The following FRG1 variants were observed in gnomAD, a reference collection of about 807,000 sequenced individuals.
FRG1 encodes FSHD region gene 1, also known as protein FRG1.
FRG1 carries 19 observed loss-of-function variants against 37.0 expected under a neutral mutation model. The ratio of observed to expected loss-of-function variants is 0.51; its 90% CI spans 0.36 to 0.75. The LOEUF (loss-of-function observed/expected upper bound fraction) is 0.75. Among genes scored for constraint, FRG1 ranks in the 30% least tolerant of loss-of-function variants. The probability of loss-of-function intolerance (pLI) is 0.00; values close to 1 mark genes in which losing one functional copy is unlikely to be tolerated. For missense variants in FRG1, 243 were observed against 301.4 expected (o/e 0.81, Z 1.44); for synonymous variants, 73 against 96.5 (o/e 0.76, Z 1.43).
At chr4:189,960,061 A>G (rs1737163915) in intron 6 of FRG1, 1 of 193,160 alleles carries the variant, frequency 5.2e-6, no homozygotes, top group Non-Finnish European at 9.5e-6. Context: ...AACTGTCACA[A>G]AGATGTCATT....
intron 1 of FRG1, among the ~76,000 whole-genome samples, chr4:189,941,628 G>A (rs572060595): frequency 6.6e-6 from 1 of 152,246 alleles, no homozygotes; most frequent in South Asian, 2.1e-4. Flanking sequence ...CTCATTAAGA[G>A]ATCAAATATC....
intron 2 of FRG1, among the ~76,000 whole-genome samples, chr4:189,943,587 T>C (rs1736409740): frequency 6.6e-6 from 1 of 152,214 alleles, no homozygotes; most frequent in Non-Finnish European, 1.5e-5. Flanking sequence ...CTTTTACAAG[T>C]TATTTTCTTT....
chr4:189,961,119 G>C (rs1316350806), intron 7 of FRG1: 1 of 249,778 alleles, frequency 4.0e-6, no homozygotes, highest in East Asian at 8.8e-5. Flanking sequence ...CTCTAGGACA[G>C]AGCACTGAGC....
chr4:189,952,223 T>A lies in FRG1; in HGVS notation c.195T>A (p.Asp65Glu). ...CAGGAACCATAGCCATTGAAATGGATAAGGGAACCTATATACATGCACTCG... is the reference window on the plus strand; with the variant it reads ...CAGGAACCATAGCCATTGAAATGGAAAAGGGAACCTATATACATGCACTCG... ...EISGTIAIEM[D>E]KGTYIHALDN... The change falls in exon 3 of 9, where the codon GAT becomes GAA. Residue 65 changes from aspartate (D) to glutamate (E), a missense_variant. This residue lies in a region of FRG1 where 110 missense variants were observed against 102.2 expected (regional missense o/e 1.08). Transcript: ENST00000226798. 2 of 1,608,592 alleles carry A rather than the reference T, an allele frequency of 1.2e-6. No homozygotes were observed. The highest frequency in any genetic ancestry group is 1.7e-6 in the Non-Finnish European group (2 of 1,177,216).
intron 2 of FRG1, among the ~76,000 whole-genome samples, chr4:189,945,580 C>T (rs571943772): frequency 7.2e-5 from 11 of 152,244 alleles, no homozygotes; most frequent in Non-Finnish European, 1.2e-4. Context: ...CTTTACATCC[C>T]TGAGATAAAC....
chr4:189,956,587 G>A (rs557574742), intron 5 of FRG1, among the ~76,000 whole-genome samples: 1 of 152,288 alleles, frequency 6.6e-6, no homozygotes, highest in South Asian at 2.1e-4. Flanking sequence ...GAGCCATCCA[G>A]ATGAGAGACC....
intron 2 of FRG1, among the ~76,000 whole-genome samples, chr4:189,943,498 C>G (rs1011119725): frequency 2.6e-5 from 4 of 152,180 alleles, no homozygotes; most frequent in African/African-American, 7.2e-5. Context: ...ACTTAGTAGG[C>G]ACCATTAGAC....
chr4:189,942,837 T>G (rs1376076034), intron 1 of FRG1, among the ~76,000 whole-genome samples: 1 of 152,190 alleles, frequency 6.6e-6, no homozygotes, highest in Non-Finnish European at 1.5e-5. Context: ...AAGGTACATA[T>G]TACCTCTTAA....
chr4:189,950,092 G>T (rs1056149601), intron 2 of FRG1, among the ~76,000 whole-genome samples: 3 of 152,128 alleles, frequency 2.0e-5, no homozygotes, highest in African/African-American at 7.2e-5. Context: ...GGTGTGAAGT[G>T]GTATTGCATT....
intron 6 of FRG1, among the ~76,000 whole-genome samples, chr4:189,958,627 G>A (rs1243031962): frequency 1.3e-5 from 2 of 152,188 alleles, no homozygotes; most frequent in Non-Finnish European, 2.9e-5. Context: ...TGCACCAGTG[G>A]CCTGTGCCCT....
chr4:189,959,930 T>C (rs1207017240), intron 6 of FRG1: 1 of 963,556 alleles, frequency 1.0e-6, no homozygotes, highest in Non-Finnish European at 1.2e-6. Flanking sequence ...AAGGTAGCCT[T>C]GTGTTACCTC....
chr4:189,961,163 C>G lies in FRG1; in HGVS notation c.629+324C>G, dbSNP rs1737212776. The G allele has an allele frequency of 1.5e-5, 3 of 195,524 alleles. No homozygotes were observed. In the South Asian group the frequency reaches 3.2e-4, roughly 21 times the overall value. 12.1% of individuals were successfully genotyped at this position (195,524 alleles called of 1,614,324 possible). A position where few individuals can be genotyped will look rare whatever the true frequency, so the allele number is the denominator to read the frequency against. On this transcript the variant is annotated intron_variant, in intron 7 of 8. Transcript: ENST00000226798. ...TTTCTTTTCTTGAGGCTTCAGTTTTCCTAATCATCCTACCACCTCCCAAAG... is the reference window on the plus strand; with the variant it reads ...TTTCTTTTCTTGAGGCTTCAGTTTTGCTAATCATCCTACCACCTCCCAAAG...
chr4:189,945,220 C>T (rs1736474856), intron 2 of FRG1, among the ~76,000 whole-genome samples: 1 of 152,156 alleles, frequency 6.6e-6, no homozygotes, highest in African/African-American at 2.4e-5. Context: ...CGTTTTACTT[C>T]TTTCTTTCTA....
In FRG1 at chr4:189,955,095, G is replaced by C. The variant is rs749097054; in HGVS notation, c.376G>C (p.Val126Leu). 1.9e-6 allele frequency: 3 copies of C among 1,613,668 alleles called. No individual in the cohort carries two copies. In the South Asian group the frequency reaches 3.3e-5, roughly 18 times the overall value. Reference sequence around the variant, plus strand: ...TGGTATAAATTCAGATGGACTTGTTGTTGGGCGTTCAGATGCAATTGGACC... The same window carrying C: ...TGGTATAAATTCAGATGGACTTGTTCTTGGGCGTTCAGATGCAATTGGACC... Reference protein sequence around the residue: ...YLGINSDGLVVGRSDAIGPRE... With the variant: ...YLGINSDGLVLGRSDAIGPRE... The change falls in exon 5 of 9, where the codon GTT becomes CTT. Residue 126 changes from valine to leucine, a missense_variant. This residue lies in a region of FRG1 where 133 missense variants were observed against 199.3 expected (regional missense o/e 0.67). Coordinates refer to ENST00000226798, the MANE Select transcript of FRG1 (RefSeq NM_004477.3).
rs1736245056 is a variant in FRG1 at position 189,940,873 on chromosome 4, G to A, written c.-137G>A. 1 of 622,758 alleles carries A rather than the reference G, an allele frequency of 1.6e-6. No individual in the cohort carries two copies. Among genetic ancestry groups the A allele is most frequent in the South Asian group, 2.0e-5 (1 of 49,648 alleles). The allele number at this position is 622,758 out of a possible 1,614,324, so 38.6% of individuals were successfully genotyped here. On this transcript the variant is annotated 5_prime_UTR_variant, in exon 1 of 9. Transcript: ENST00000226798. ...CAGCGTTTGGGTGAAGACGGAGGCG[G>A]GTTCTACAGAGACGTAGGCTGTCAG...
chr4:189,949,431 C>G (rs1736663167), intron 2 of FRG1, among the ~76,000 whole-genome samples: 1 of 152,224 alleles, frequency 6.6e-6, no homozygotes, highest in African/African-American at 2.4e-5. Flanking sequence ...AGAAAAAATA[C>G]TGGCATCTGC....
chr4:189,952,024 T>G, intron 2 of FRG1, 138 bp from the exon 3 acceptor site: 1 of 583,602 alleles, frequency 1.7e-6, no homozygotes, highest in Admixed American at 3.3e-5. Context: ...ACAAAGTGAG[T>G]AAAGAATATG....
At chr4:189,943,042 A>G (rs571470059) in intron 1 of FRG1, among the ~76,000 whole-genome samples, 160 bp from the exon 2 acceptor site, 35 of 152,326 alleles carry the variant, frequency 2.3e-4, no homozygotes, top group African/African-American at 7.2e-4. Flanking sequence ...GCCTGAAGCA[A>G]CTTCTCAGTA....
intron 6 of FRG1, among the ~76,000 whole-genome samples, 198 bp downstream of exon 6, chr4:189,957,700 G>T (rs74198508): frequency 4.4e-4 from 66 of 151,148 alleles, no homozygotes; most frequent in Non-Finnish European, 7.4e-4. Context: ...GTAGAGAAAT[G>T]AGTGCATCTA....
Sources: allele counts gnomAD v4.1 joint callset (sites outside exome capture counted in the v4.1 genomes callset), GRCh38; gene constraint gnomAD v4.1.1; regional missense constraint gnomAD v4.1.1; transcripts MANE v1.5; gene names NCBI Gene and HGNC (gene_info 2026-07-23, HGNC 2026-07-21).